Variants in KAZN observed in about 807,000 individuals in gnomAD.
The protein encoded by KAZN is kazrin, periplakin interacting protein.
In KAZN, 40 loss-of-function variants were observed where a neutral mutation model predicts 87.4. The observed-to-expected ratio is 0.46, with a 90% CI of 0.36 to 0.60. The LOEUF (loss-of-function observed/expected upper bound fraction) is 0.60. KAZN is among the 20% of genes least tolerant of loss of function. KAZN has a pLI of 0.00. For synonymous variants in KAZN, 466 were observed against 458.3 expected (o/e 1.02, Z -0.22); for missense variants, 898 against 1,073.9 (o/e 0.84, Z 2.29).
intron 1 of KAZN, among the ~76,000 whole-genome samples, chr1:14,754,601 C>A (rs768911007): frequency 1.3e-5 from 2 of 152,130 alleles, no homozygotes; most frequent in Non-Finnish European, 2.9e-5. Context: ...CCACCACACT[C>A]CAGCCTGGGT....
intron 1 of KAZN, among the ~76,000 whole-genome samples, chr1:13,970,249 T>G (rs1339594477): frequency 6.6e-6 from 1 of 152,212 alleles, no homozygotes; most frequent in African/African-American, 2.4e-5. Context: ...CAGTGAATGA[T>G]TAAGGCATTA....
At chr1:14,723,214 T>C (rs1167829466) in intron 1 of KAZN, among the ~76,000 whole-genome samples, 3 of 152,176 alleles carry the variant, frequency 2.0e-5, no homozygotes, top group Non-Finnish European at 4.4e-5. Context: ...TCTTCCAATG[T>C]TGACCTATTG....
intron 2 of KAZN, among the ~76,000 whole-genome samples, chr1:14,383,552 G>A (rs1343176597): frequency 5.3e-5 from 8 of 151,320 alleles, no homozygotes; most frequent in East Asian, 1.9e-4. Flanking sequence ...AGTTTTCCCA[G>A]CACCATTTAT....
intron 1 of KAZN, among the ~76,000 whole-genome samples, chr1:14,721,849 G>A (rs544766926): frequency 5.9e-4 from 90 of 152,106 alleles, no homozygotes; most frequent in Non-Finnish European, 1.2e-3. Context: ...ATACTGTGAG[G>A]TTGTTAAAAA....
intron 1 of KAZN, among the ~76,000 whole-genome samples, chr1:14,080,604 T>C (rs1347503324): frequency 1.3e-5 from 2 of 152,236 alleles, no homozygotes; most frequent in African/African-American, 2.4e-5. Flanking sequence ...ACCTACTTCA[T>C]TGGTCATTTT....
chr1:14,326,765 A>G (rs75414614), intron 2 of KAZN, among the ~76,000 whole-genome samples: 4,451 of 152,206 alleles, frequency 0.029, 111 homozygotes, highest in East Asian at 0.14. Flanking sequence ...TTTGCACTTA[A>G]CATTCCAATT....
At chr1:14,595,673 T>A (rs1676453226), upstream of KAZN, among the ~76,000 whole-genome samples, 1 of 112,232 alleles carries the variant, frequency 8.9e-6, no homozygotes, top group African/African-American at 3.9e-5. Context: ...AGAGCAAGAC[T>A]GCGTCTCAAA....
At chr1:14,745,582 A>G (rs1644242052) in intron 1 of KAZN, among the ~76,000 whole-genome samples, 1 of 152,100 alleles carries the variant, frequency 6.6e-6, no homozygotes, top group African/African-American at 2.4e-5. Context: ...AGTGCTCAGC[A>G]TTGGGGACCC....
intron 2 of KAZN, among the ~76,000 whole-genome samples, chr1:14,413,457 G>A (rs992273212): frequency 2.6e-5 from 4 of 151,892 alleles, no homozygotes; most frequent in African/African-American, 9.7e-5. Flanking sequence ...GGGCGTGGTG[G>A]CGGGTGCCTG....
rs564871188 is a variant in KAZN, at chr1:15,094,107, G to A, written c.1223-73G>A. 235 of 1,392,118 alleles carry A rather than the reference G, an allele frequency of 1.7e-4. No individual in the cohort carries two copies. In the East Asian group the frequency reaches 2.3e-3, roughly 14 times the overall value. The allele number at this position is 1,392,118 out of a possible 1,614,324, so 86.2% of individuals were successfully genotyped here. A position where few individuals can be genotyped will look rare whatever the true frequency, so the allele number is the denominator to read the frequency against. ...ATGTCCCCACCACCCTCTGCCTCCC[G>A]GGGGTATGGCCTGCCCAGCCCCTGC... is the stretch of plus-strand genomic sequence containing the variant. On this transcript the variant is annotated intron_variant, in intron 8 of 14. Transcript: ENST00000376030. The surrounding 1 kb of genome is among the most constrained non-coding windows in gnomAD (Gnocchi z 4.5).
chr1:14,835,102 T>A (rs1647185942), intron 1 of KAZN, among the ~76,000 whole-genome samples: 1 of 152,248 alleles, frequency 6.6e-6, no homozygotes, highest in Admixed American at 6.5e-5. Flanking sequence ...TCATTAGAAA[T>A]GCCCATCCCG....
rs568065532 is a variant in KAZN, at chr1:14,608,215, CCT to C, written c.226+8995_226+8996del. ...GCTATTTTGCTTAACGCCTTCCCTTCCTCTTTTTTTCTTCCTTTCTTCTTCCT... is the reference window on the plus strand; with the variant it reads ...GCTATTTTGCTTAACGCCTTCCCTTCCTTTTTTTCTTCCTTTCTTCTTCCT... On this transcript the variant is annotated intron_variant, in intron 1 of 14. Coordinates refer to ENST00000376030, the MANE Select transcript of KAZN (RefSeq NM_201628.3). 1.1e-3 allele frequency among the ~76,000 whole-genome samples: 160 copies of C among 152,362 alleles called. 1 individual carries two copies. The highest frequency in any genetic ancestry group is 3.4e-3 in the Middle Eastern group (1 of 294).
intron 1 of KAZN, among the ~76,000 whole-genome samples, chr1:13,955,007 T>C (rs1194321660): frequency 6.6e-6 from 1 of 152,226 alleles, no homozygotes; most frequent in East Asian, 1.9e-4. Flanking sequence ...GAAAGTAACA[T>C]TTTCACTTTG....
intron 2 of KAZN, among the ~76,000 whole-genome samples, chr1:14,579,611 C>T (rs150003947): frequency 0.012 from 1,781 of 147,586 alleles, 38 homozygotes; most frequent in African/African-American, 0.043. Context: ...GGCAACACAG[C>T]GAGACTCCGT....
At chr1:14,328,969 T>A (rs1403305754) in intron 2 of KAZN, among the ~76,000 whole-genome samples, 1 of 152,084 alleles carries the variant, frequency 6.6e-6, no homozygotes, top group Non-Finnish European at 1.5e-5. Flanking sequence ...AGAACTCATA[T>A]TCAGTTCTTT....
intron 11 of KAZN, among the ~76,000 whole-genome samples, chr1:15,102,498 C>T (rs1641112356): frequency 1.3e-5 from 2 of 152,110 alleles, no homozygotes; most frequent in South Asian, 4.1e-4. Flanking sequence ...GGGGTTGCTG[C>T]AGAGGTCACC....
At chr1:14,113,263 G>A (rs1644538012) in intron 1 of KAZN, among the ~76,000 whole-genome samples, 1 of 152,174 alleles carries the variant, frequency 6.6e-6, no homozygotes. Context: ...TGTCTCTTAG[G>A]GAGTTGGGGC....
rs547651462 is a variant in KAZN, at chr1:14,496,500, G to GA, written c.250-102477dup. Among the ~76,000 whole-genome samples the GA allele has an allele frequency of 4.0e-5, 6 of 151,870 alleles. No individual in the cohort carries two copies. In the East Asian group the frequency reaches 7.7e-4, roughly 20 times the overall value. On this transcript the variant is annotated intron_variant, in intron 2 of 16. Transcript: ENST00000636203. The stretch of plus-strand genomic sequence containing the variant: ...TATTTTTATTTTCATAAAGGCCAGA[G>GA]AAAAAAGGTGTTTCCTTTGGAGACA...
At chr1:14,798,125 C>T (rs1303283079) in intron 1 of KAZN, among the ~76,000 whole-genome samples, 1 of 152,126 alleles carries the variant, frequency 6.6e-6, no homozygotes, top group South Asian at 2.1e-4. Context: ...CACCTCTGGG[C>T]TCCCTGTTGC....
Sources: allele counts gnomAD v4.1 joint callset (sites outside exome capture counted in the v4.1 genomes callset), GRCh38; gene constraint gnomAD v4.1.1; non-coding constraint Gnocchi (gnomAD v3.1); transcripts MANE v1.5; gene names NCBI Gene and HGNC (gene_info 2026-07-23, HGNC 2026-07-21).